The following MAP1S variants were observed in gnomAD, a reference collection of about 807,000 sequenced individuals.
MAP1S encodes the protein microtubule-associated protein 1S.
Under a neutral mutation model 60.9 loss-of-function variants are expected in MAP1S, and 27 were observed. That is an observed-to-expected ratio of 0.44 (90% CI 0.33 to 0.61). MAP1S has a LOEUF of 0.61. MAP1S is among the 20% of genes least tolerant of loss of function. The pLI is 0.03. For missense variants in MAP1S, 1,608 were observed against 1,486.6 expected, an observed-to-expected ratio of 1.08 and a Z score of -1.34; for synonymous variants, 826 against 694.2, an observed-to-expected ratio of 1.19 and a Z score of -2.98.
intron 2 of MAP1S, 148 bp downstream of exon 2, chr19:17,721,185 T>C: frequency 1.4e-6 from 1 of 714,548 alleles, no homozygotes; most frequent in East Asian, 2.7e-5. Flanking sequence ...CGTGACCCAG[T>C]GATAACCCCC....
rs146219187 is a variant in MAP1S at position 17,727,792 on chromosome 19, C to T, written c.2408C>T (p.Ala803Val). ...TLSDSDPVPL[A>V]PGAADSDEDT... ...TCTGACTCGGATCCCGTGCCCCTGG[C>T]CCCCGGTGCGGCAGACTCAGACGAA... is the stretch of plus-strand genomic sequence containing the variant. Residue 803 changes from alanine to valine, a missense_variant, in exon 5 of 7, where the codon GCC (alanine) becomes GTC (valine). Physicochemically the swap from Ala to Val is moderately conservative, Grantham distance 64 (BLOSUM62 0). Transcript: ENST00000324096. The surrounding 1 kb of genome is among the most constrained non-coding windows in gnomAD (Gnocchi z 4.1). 1.8e-5 allele frequency: 29 copies of T among 1,611,172 alleles called. No individual in the cohort carries two copies. The highest frequency in any genetic ancestry group is 2.1e-5 in the Non-Finnish European group (25 of 1,178,944).
At chr19:17,733,493 G>A (rs946671817) in intron 6 of MAP1S, 65 bp downstream of exon 6, 12 of 1,299,036 alleles carry the variant, frequency 9.2e-6, no homozygotes, top group African/African-American at 4.5e-5. Context: ...AACCACCCTC[G>A]ACCCTCAGAG....
In MAP1S at chr19:17,726,830, G is replaced by C; in HGVS notation, c.1446G>C (p.Ser482=). The change falls in exon 5 of 7, where the codon TCG becomes TCC. Residue 482 remains serine, a synonymous_variant. Coordinates refer to ENST00000324096, the MANE Select transcript of MAP1S (RefSeq NM_018174.6). ...AGAGCGTGGGCTCCCGGGACAGCTC[G>C]AAGAGAGAGGGCCTCCTGGCCACCC... The part of the protein sequence containing the change: ...SKESVGSRDS[S]KREGLLATHP... 6.4e-7 allele frequency: 1 copy of C among 1,554,984 alleles called. No homozygotes were observed. Among genetic ancestry groups the C allele is most frequent in the Non-Finnish European group, 8.7e-7 (1 of 1,149,948 alleles).
chr19:17,725,557 G>T lies in MAP1S; in HGVS notation c.445-272G>T, dbSNP rs775740791. Among the ~76,000 whole-genome samples, 1 of 152,190 alleles carries T rather than the reference G, an allele frequency of 6.6e-6. No homozygotes were observed. The highest frequency in any genetic ancestry group is 2.4e-5 in the African/African-American group (1 of 41,454). On this transcript the variant is annotated intron_variant, in intron 4 of 6. Coordinates refer to ENST00000324096, the MANE Select transcript of MAP1S (RefSeq NM_018174.6). This position sits in a 1 kb window ranked among gnomAD's most constrained non-coding sequence, Gnocchi z 4.2. ...AAAAGGTTCAGTAGACAGGTGGGGC[G>T]TGGAGAGTCTCCTTGGAGGGAGCTG... is the stretch of plus-strand genomic sequence containing the variant.
Position 17,719,531 on chromosome 19 carries a change from C to T in MAP1S, c.29C>T (p.Ala10Val), listed in dbSNP as rs890539375. The T allele has an allele frequency of 8.8e-6, 11 of 1,245,910 alleles. No homozygotes were observed. In the East Asian group the frequency reaches 1.9e-4, roughly 21 times the overall value. The allele number at this position is 1,245,910 out of a possible 1,614,324, so 77.2% of individuals were successfully genotyped here. ...GCGGCGGTGGCTGGATCTGGGGCTG[C>T]CGCGGCTCCGAGCTCACTGCTCCTC... Reference protein sequence around the residue: MAAVAGSGAAAAPSSLLLVV... With the variant: MAAVAGSGAVAAPSSLLLVV... The change falls in exon 1 of 7, where the codon GCC becomes GTC. Residue 10 changes from alanine (A) to valine (V), a missense_variant. By Grantham distance (64) the Ala-to-Val change is moderately conservative (BLOSUM62 0). This residue lies in a region of MAP1S where 45 missense variants were observed against 22.0 expected (regional missense o/e 2.04). Coordinates refer to ENST00000324096, the MANE Select transcript of MAP1S (RefSeq NM_018174.6).
intron 5 of MAP1S, among the ~76,000 whole-genome samples, chr19:17,731,372 C>T (rs2080491773): frequency 6.6e-6 from 1 of 152,198 alleles, no homozygotes; most frequent in Admixed American, 6.6e-5. Context: ...ACTATCCTTT[C>T]CCCATTGAAT....
chr19:17,731,489 G>A (rs1387850938), intron 5 of MAP1S, among the ~76,000 whole-genome samples: 1 of 152,122 alleles, frequency 6.6e-6, no homozygotes, highest in African/African-American at 2.4e-5. Context: ...CCAGTGCCAC[G>A]CTGTTTTGAT....
Position 17,734,457 on chromosome 19 carries a change from C to T in MAP1S, c.*29C>T. ...CATCGCCGACACGCCCCCCACTCAG[C>T]CCAGCCCGCCTGTCCCTAGATTCAG... On this transcript the variant is annotated 3_prime_UTR_variant, in exon 7 of 7. Transcript: ENST00000324096. The T allele has an allele frequency of 3.1e-6, 5 of 1,587,390 alleles. No homozygotes were observed. Among genetic ancestry groups the T allele is most frequent in the Non-Finnish European group, 4.3e-6 (5 of 1,164,900 alleles).
Position 17,726,621 on chromosome 19 carries a change from T to C in MAP1S, c.1237T>C (p.Cys413Arg). Residue 413 changes from cysteine to arginine, a missense_variant, in exon 5 of 7, where the codon TGC (cysteine) becomes CGC (arginine). By Grantham distance (180) the Cys-to-Arg change is radical. Around this residue, in one of 4 missense-constraint regions of MAP1S, gnomAD observed 1,167 missense variants for 961.4 expected, o/e 1.21. Coordinates refer to ENST00000324096, the MANE Select transcript of MAP1S (RefSeq NM_018174.6). The stretch of plus-strand genomic sequence containing the variant: ...CGCCGAGCGCACGCTGGCCTCTGTG[T>C]GCGCCCTGCTGGTGTGGCACCCCGC... Reference protein sequence around the residue: ...AGAERTLASVCALLVWHPAGP... With the variant: ...AGAERTLASVRALLVWHPAGP... 1 of 1,571,822 alleles carries C rather than the reference T, an allele frequency of 6.4e-7. No homozygotes were observed. The highest frequency in any genetic ancestry group is 8.6e-7 in the Non-Finnish European group (1 of 1,163,038).
chr19:17,732,485 A>G (rs1456029670), intron 5 of MAP1S, among the ~76,000 whole-genome samples: 1 of 152,160 alleles, frequency 6.6e-6, no homozygotes, highest in African/African-American at 2.4e-5. Flanking sequence ...CCCTAAGGTC[A>G]GGGTTTGGAC....
In MAP1S at chr19:17,727,989, C is replaced by G; in HGVS notation, c.2605C>G (p.Pro869Ala). 6.2e-7 allele frequency: 1 copy of G among 1,611,058 alleles called. No homozygotes were observed. The highest frequency in any genetic ancestry group is 8.5e-7 in the Non-Finnish European group (1 of 1,178,892). ...VSRTRKPLARPNSRAAAPKAT... is the reference protein window; with the variant it reads ...VSRTRKPLARANSRAAAPKAT... ...CCGCACCCGGAAGCCCCTGGCCCGCCCCAACTCACGCGCTGCCGCCCCCAA... is the reference window on the plus strand; with the variant it reads ...CCGCACCCGGAAGCCCCTGGCCCGCGCCAACTCACGCGCTGCCGCCCCCAA... The change falls in exon 5 of 7, where the codon CCC (proline) becomes GCC (alanine). Residue 869 changes from proline (P) to alanine (A), a missense_variant. This residue lies in a region of MAP1S where 1,167 missense variants were observed against 961.4 expected (regional missense o/e 1.21). Coordinates refer to ENST00000324096, the MANE Select transcript of MAP1S (RefSeq NM_018174.6). This position sits in a 1 kb window ranked among gnomAD's most constrained non-coding sequence, Gnocchi z 4.1.
At position 17,725,044 on chromosome 19, in the gene MAP1S, C is replaced by G; in HGVS notation, c.304-5C>G. ...GGGTCCTTTAGTGTTCACCCCCTCC[C>G]TCAGCTCCGGAACCTTCTGTTGGAC... On this transcript the variant is annotated splice_polypyrimidine_tract_variant and splice_region_variant and intron_variant, in intron 3 of 6. Transcript: ENST00000324096. This position sits in a 1 kb window ranked among gnomAD's most constrained non-coding sequence, Gnocchi z 4.2. The G allele has an allele frequency of 6.2e-7, 1 of 1,614,178 alleles. No individual in the cohort carries two copies. Among genetic ancestry groups the G allele is most frequent in the Non-Finnish European group, 8.5e-7 (1 of 1,180,034 alleles).
In MAP1S at chr19:17,725,727, C is replaced by T; in HGVS notation, c.445-102C>T. ...GTTTTGGCGGGAGGGCCCTGAGGAG[C>T]AGGCCCTGGGGGAAAGGATGAGGGT... On this transcript the variant is annotated intron_variant, in intron 4 of 6. Coordinates refer to ENST00000324096, the MANE Select transcript of MAP1S (RefSeq NM_018174.6). This position sits in a 1 kb window ranked among gnomAD's most constrained non-coding sequence, Gnocchi z 4.2. 8.2e-7 allele frequency: 1 copy of T among 1,215,914 alleles called. No individual in the cohort carries two copies. Among genetic ancestry groups the T allele is most frequent in the Non-Finnish European group, 1.1e-6 (1 of 880,268 alleles). 75.3% of individuals were successfully genotyped at this position (1,215,914 alleles called of 1,614,324 possible).
chr19:17,724,644 C>T (rs958836009), intron 3 of MAP1S, among the ~76,000 whole-genome samples: 1 of 152,140 alleles, frequency 6.6e-6, no homozygotes, highest in Non-Finnish European at 1.5e-5. Flanking sequence ...CACTACAGAC[C>T]TTCTTACAGG....
Position 17,726,057 on chromosome 19 carries a change from G to C in MAP1S, c.673G>C (p.Glu225Gln). 1.2e-6 allele frequency: 2 copies of C among 1,613,502 alleles called. No individual in the cohort carries two copies. The highest frequency in any genetic ancestry group is 1.7e-6 in the Non-Finnish European group (2 of 1,179,860). The change falls in exon 5 of 7, where the codon GAG becomes CAG. Residue 225 changes from glutamate to glutamine, a missense_variant. This residue lies in a region of MAP1S where 320 missense variants were observed against 393.1 expected (regional missense o/e 0.81). Coordinates refer to ENST00000324096, the MANE Select transcript of MAP1S (RefSeq NM_018174.6). ...GTCTCTGGAGCCACCGTCCCCCTTCGAGCTGCTGGAGCCCCCGACCTCCGG... is the reference window on the plus strand; with the variant it reads ...GTCTCTGGAGCCACCGTCCCCCTTCCAGCTGCTGGAGCCCCCGACCTCCGG... The part of the protein sequence containing the change: ...AESLEPPSPF[E>Q]LLEPPTSGGF...
At chr19:17,731,686 G>A (rs1429972367) in intron 5 of MAP1S, among the ~76,000 whole-genome samples, 1 of 152,138 alleles carries the variant, frequency 6.6e-6, no homozygotes, top group Admixed American at 6.5e-5. Flanking sequence ...TATTTTTTGA[G>A]ATGGAGTCTC....
chr19:17,727,649 G>C lies in MAP1S; in HGVS notation c.2265G>C (p.Pro755=), dbSNP rs780632851. 6.2e-7 allele frequency: 1 copy of C among 1,608,520 alleles called. No homozygotes were observed. The highest frequency in any genetic ancestry group is 2.2e-5 in the East Asian group (1 of 44,820). Residue 755 remains proline, a synonymous_variant, in exon 5 of 7, where the codon CCG becomes CCC. Coordinates refer to ENST00000324096, the MANE Select transcript of MAP1S (RefSeq NM_018174.6). The surrounding 1 kb of genome is among the most constrained non-coding windows in gnomAD (Gnocchi z 4.1). ...ATCGCAAGGCGGTGCCAATGGCACC[G>C]GCACCTGCGTCCCCCGGCAGCTCGA... ...FEHRKAVPMA[P]APASPGSSND...
At position 17,725,324 on chromosome 19, in the gene MAP1S, C is replaced by CA. The variant is rs1361510015; in HGVS notation, c.444+136dup. 30 of 1,068,962 alleles carry CA rather than the reference C, an allele frequency of 2.8e-5. No individual in the cohort carries two copies. The East Asian group carries it at 7.4e-4, about 26-fold the overall frequency. 66.2% of individuals were successfully genotyped at this position (1,068,962 alleles called of 1,614,324 possible). Reference sequence around the variant, plus strand: ...ATCCTCTGTAGGATGGCAGTGGTGACACATGCCTCCTGGCTGTCTGGGGTC... The same window carrying CA: ...ATCCTCTGTAGGATGGCAGTGGTGACAACATGCCTCCTGGCTGTCTGGGGTC... On this transcript the variant is annotated intron_variant, in intron 4 of 6. Transcript: ENST00000324096. The surrounding 1 kb of genome is among the most constrained non-coding windows in gnomAD (Gnocchi z 4.2).
intron 5 of MAP1S, among the ~76,000 whole-genome samples, chr19:17,731,541 G>A (rs1340309093): frequency 6.6e-6 from 1 of 152,186 alleles, no homozygotes; most frequent in East Asian, 1.9e-4. Flanking sequence ...GGAAGTGTGA[G>A]TCCTCTATCT....
Sources: gnomAD v4.1 joint callset for allele counts (sites outside exome capture counted in the v4.1 genomes callset) on GRCh38, gnomAD v4.1.1 for gene constraint, gnomAD v4.1.1 regional missense constraint, Gnocchi (gnomAD v3.1) non-coding constraint, MANE v1.5 for transcripts, NCBI Gene and HGNC (gene_info 2026-07-23, HGNC 2026-07-21) for gene names.